CD86: variants seen among roughly 807,000 people sequenced by gnomAD.
The protein encoded by CD86 is T-lymphocyte activation antigen CD86.
A neutral mutation model predicts 32.1 loss-of-function variants in CD86; 11 were observed. That is an observed-to-expected ratio of 0.34 (90% CI 0.22 to 0.57). The LOEUF (loss-of-function observed/expected upper bound fraction) is 0.57, where lower values mean the gene tolerates loss of function less well. CD86 is among the 20% of genes least tolerant of loss of function. The pLI is 0.86. For missense variants in CD86, 359 were observed against 398.4 expected, an observed-to-expected ratio of 0.90 and a Z score of 0.84; for synonymous variants, 137 against 135.3, an observed-to-expected ratio of 1.01 and a Z score of -0.09.
chr3:122,082,271 A>G (rs1559903063), intron 1 of CD86, among the ~76,000 whole-genome samples: 1 of 152,208 alleles, frequency 6.6e-6, no homozygotes, highest in Non-Finnish European at 1.5e-5. Context: ...GCTCCCTGTA[A>G]CTTTTAGTTA....
chr3:122,055,595 T>A, intron 1 of CD86, 92 bp downstream of exon 1: 1 of 1,153,918 alleles, frequency 8.7e-7, no homozygotes. Flanking sequence ...ATGTGTGTCC[T>A]TCACTTAGTT....
intron 5 of CD86, among the ~76,000 whole-genome samples, chr3:122,117,591 T>C (rs1185442865): frequency 6.6e-6 from 1 of 152,274 alleles, no homozygotes; most frequent in Non-Finnish European, 1.5e-5. Context: ...ATTTCCCACT[T>C]GGCCTTGCCC....
At chr3:122,097,342 T>C (rs750547075) in intron 2 of CD86, among the ~76,000 whole-genome samples, 9 of 152,196 alleles carry the variant, frequency 5.9e-5, no homozygotes, top group Non-Finnish European at 1.3e-4. Context: ...TAATGGGAGA[T>C]GTCAGGTGCT....
chr3:122,108,226 C>A (rs2073120903), intron 4 of CD86, among the ~76,000 whole-genome samples: 1 of 152,218 alleles, frequency 6.6e-6, no homozygotes. Context: ...TGGGGCTTGC[C>A]TCTCTGGGTT....
chr3:122,093,776 T>C (rs1296467567), intron 2 of CD86, among the ~76,000 whole-genome samples: 1 of 152,196 alleles, frequency 6.6e-6, no homozygotes, highest in East Asian at 1.9e-4. Flanking sequence ...AGCCTCACAA[T>C]AACTCTCTGC....
intron 1 of CD86, among the ~76,000 whole-genome samples, chr3:122,069,950 T>G (rs1364541796): frequency 6.6e-6 from 1 of 152,220 alleles, no homozygotes; most frequent in Non-Finnish European, 1.5e-5. Flanking sequence ...AAGGCTATAC[T>G]TATCCCTAGT....
chr3:122,093,201 G>A (rs1436134678), intron 2 of CD86, among the ~76,000 whole-genome samples: 1 of 151,988 alleles, frequency 6.6e-6, no homozygotes, highest in African/African-American at 2.4e-5. Flanking sequence ...CTGTCACCCA[G>A]GCTGGAGTAC....
chr3:122,070,056 T>C (rs530154248), intron 1 of CD86, among the ~76,000 whole-genome samples: 4 of 152,326 alleles, frequency 2.6e-5, no homozygotes, highest in African/African-American at 9.6e-5. Context: ...AATTCAGTCT[T>C]CAATTCAAAT....
chr3:122,061,096 A>G (rs1318844780), intron 1 of CD86, among the ~76,000 whole-genome samples: 1 of 152,244 alleles, frequency 6.6e-6, no homozygotes, highest in African/African-American at 2.4e-5. Context: ...GCACTAAAAC[A>G]TCAAGTAAAA....
At chr3:122,085,040 A>C (rs2072694261) in intron 1 of CD86, among the ~76,000 whole-genome samples, 2 of 152,156 alleles carry the variant, frequency 1.3e-5, no homozygotes, top group Non-Finnish European at 2.9e-5. Context: ...TTTTCTACTA[A>C]ACTGTAGGCA....
chr3:122,112,898 T>C (rs2073197065), intron 5 of CD86, among the ~76,000 whole-genome samples: 1 of 152,228 alleles, frequency 6.6e-6, no homozygotes, highest in Non-Finnish European at 1.5e-5. Context: ...AGGTGGTTTT[T>C]GGTTACATGG....
intron 2 of CD86, among the ~76,000 whole-genome samples, chr3:122,098,220 G>A (rs563023412): frequency 1.3e-5 from 2 of 152,200 alleles, no homozygotes; most frequent in Non-Finnish European, 2.9e-5. Context: ...ATATAAGTCA[G>A]CATGAGGGAC....
rs567974102 is a variant in CD86 at position 122,058,313 on chromosome 3, G to C, written c.14+2810G>C. ...GGATGGAGGAGCTGATCTAAAACAA[G>C]CAGTACCCAGGACAAGGCCAGCCTC... On this transcript the variant is annotated intron_variant, in intron 1 of 6. Coordinates refer to ENST00000330540, the MANE Select transcript of CD86 (RefSeq NM_175862.5). Among the ~76,000 whole-genome samples, 4 of 152,296 alleles carry C rather than the reference G, an allele frequency of 2.6e-5. No homozygotes were observed. The South Asian group carries it at 8.3e-4, about 32-fold the overall frequency.
intron 2 of CD86, among the ~76,000 whole-genome samples, chr3:122,100,837 G>A (rs149568213): frequency 1.3e-5 from 2 of 152,296 alleles, no homozygotes; most frequent in East Asian, 3.9e-4. Context: ...GGGGAAGGGA[G>A]AGATTCTCAA....
At chr3:122,074,344 A>G (rs773516076) in intron 1 of CD86, among the ~76,000 whole-genome samples, 11 of 152,296 alleles carry the variant, frequency 7.2e-5, no homozygotes, top group Middle Eastern at 3.4e-3. Flanking sequence ...AGCCACCGGT[A>G]TCATCTCTTC....
intron 1 of CD86, among the ~76,000 whole-genome samples, chr3:122,080,424 G>A (rs899425924): frequency 3.3e-5 from 5 of 152,234 alleles, no homozygotes; most frequent in East Asian, 1.9e-4. Context: ...TTGGGGGACC[G>A]GAAAAGCTAA....
At chr3:122,111,588 C>T (rs1193256617) in intron 5 of CD86, among the ~76,000 whole-genome samples, 2 of 152,168 alleles carry the variant, frequency 1.3e-5, no homozygotes, top group Non-Finnish European at 2.9e-5. Context: ...GCATTTCTAG[C>T]TTTGAAGATG....
chr3:122,081,381 T>C (rs1033647849), intron 1 of CD86, among the ~76,000 whole-genome samples: 9 of 152,186 alleles, frequency 5.9e-5, no homozygotes, highest in African/African-American at 2.2e-4. Context: ...GTATCAAAAA[T>C]ATGGCTGAAA....
chr3:122,106,063 G>A (rs1432219495), intron 3 of CD86, 135 bp from the exon 4 acceptor site: 2 of 616,956 alleles, frequency 3.2e-6, no homozygotes, highest in South Asian at 4.2e-5. Flanking sequence ...TTGGGCTGAG[G>A]GTCACATTTT....
Sources: gnomAD v4.1 joint callset for allele counts (sites outside exome capture counted in the v4.1 genomes callset) on GRCh38, gnomAD v4.1.1 for gene constraint, MANE v1.5 for transcripts, NCBI Gene and HGNC (gene_info 2026-07-23, HGNC 2026-07-21) for gene names.